The following NAF1 variants were observed in gnomAD, a reference collection of about 807,000 sequenced individuals.
The protein encoded by NAF1 is nuclear assembly factor 1 ribonucleoprotein, also known as H/ACA ribonucleoprotein complex non-core subunit NAF1.
NAF1 carries 11 observed loss-of-function variants against 40.6 expected under a neutral mutation model. The observed-to-expected ratio is 0.27, with a 90% CI of 0.17 to 0.45. The LOEUF is 0.45. Ranked by LOEUF, NAF1 falls within the 20% of genes least tolerant of loss-of-function variation. The pLI is 1.00. For missense variants in NAF1, 607 were observed against 611.1 expected (o/e 0.99, Z 0.07); for synonymous variants, 260 against 228.5 (o/e 1.14, Z -1.24).
In NAF1 at chr4:163,133,142, G is replaced by T; in HGVS notation, c.1033+12C>A. 3 of 1,579,584 alleles carry T rather than the reference G, an allele frequency of 1.9e-6. No homozygotes were observed. The highest frequency in any genetic ancestry group is 2.6e-6 in the Non-Finnish European group (3 of 1,149,214). ...AAGATAAAGAACGAGTATATATATT[G>T]TATTCACTCACCAGGCTCATTAAAT... On this transcript the variant is annotated intron_variant, in intron 7 of 7. Transcript: ENST00000274054.
intron 6 of NAF1, among the ~76,000 whole-genome samples, chr4:163,133,833 A>G (rs977679857): frequency 6.6e-6 from 1 of 152,144 alleles, no homozygotes; most frequent in African/African-American, 2.4e-5. Flanking sequence ...GTGTGTGTGC[A>G]GTGGTGCAAT....
chr4:163,157,983 G>A (rs1023958569), intron 2 of NAF1, among the ~76,000 whole-genome samples: 9 of 152,106 alleles, frequency 5.9e-5, no homozygotes, highest in African/African-American at 1.7e-4. Flanking sequence ...AAGAGTATCA[G>A]TAAATTGATG....
At chr4:163,113,202 T>C (rs1209788603) in intron 2 of NAF1, among the ~76,000 whole-genome samples, 2 of 152,164 alleles carry the variant, frequency 1.3e-5, no homozygotes, top group African/African-American at 4.8e-5. Context: ...AGTTCCAGAA[T>C]ATAAGTGTAC....
intron 2 of NAF1, chr4:163,119,329 T>G (rs755984773): frequency 6.6e-6 from 1 of 152,226 alleles, no homozygotes; most frequent in Non-Finnish European, 1.5e-5. Flanking sequence ...GCCCCTTCTT[T>G]TAATGTAAGA....
In NAF1 at chr4:163,166,574, C is replaced by A. The variant is rs2111082232; in HGVS notation, c.154G>T (p.Asp52Tyr). 6.2e-7 allele frequency: 1 copy of A among 1,609,402 alleles called. No individual in the cohort carries two copies. Among genetic ancestry groups the A allele is most frequent in the South Asian group, 1.1e-5 (1 of 90,516 alleles). ...PPLQSFEGSP[D>Y]AGQTVEVKPA... ...TTAACCTCCACGGTCTGCCCAGCGT[C>A]CGGGGACCCCTCAAACGACTGTAGC... Residue 52 changes from aspartate to tyrosine, a missense_variant, in exon 1 of 8, where the codon GAC becomes TAC. By Grantham distance (160) the Asp-to-Tyr change is radical (BLOSUM62 -3). Transcript: ENST00000274054.
chr4:163,161,492 C>A (rs1270642317), intron 2 of NAF1, among the ~76,000 whole-genome samples: 2 of 150,970 alleles, frequency 1.3e-5, no homozygotes, highest in South Asian at 2.1e-4. Context: ...AAAAAAAAAA[C>A]CAAAAAACAA....
intron 2 of NAF1, among the ~76,000 whole-genome samples, chr4:163,161,636 G>A (rs186777371): frequency 3.3e-5 from 5 of 150,964 alleles, no homozygotes; most frequent in Non-Finnish European, 5.9e-5. Flanking sequence ...AGCTGCTTTC[G>A]AATAAACTTC....
chr4:163,158,249 C>T (rs1394261139), intron 2 of NAF1: 1 of 152,060 alleles, frequency 6.6e-6, no homozygotes, highest in African/African-American at 2.4e-5. Flanking sequence ...TGAGCCTTCA[C>T]TTTTCAGATA....
At chr4:163,137,310 T>C in intron 5 of NAF1, 60 bp from the exon 6 acceptor site, 2 of 1,539,672 alleles carry the variant, frequency 1.3e-6, no homozygotes, top group South Asian at 1.2e-5. Context: ...TAAGTGCTCA[T>C]AACTTAAAAG....
intron 2 of NAF1, among the ~76,000 whole-genome samples, chr4:163,153,046 G>A (rs1045254930): frequency 3.9e-5 from 6 of 152,222 alleles, no homozygotes; most frequent in Non-Finnish European, 8.8e-5. Flanking sequence ...CAGCAGCACT[G>A]CGCTCGATTT....
At chr4:163,141,210 C>G (rs1731248631) in intron 4 of NAF1, among the ~76,000 whole-genome samples, 1 of 152,028 alleles carries the variant, frequency 6.6e-6, no homozygotes, top group Non-Finnish European at 1.5e-5. Flanking sequence ...ACTAAAAATA[C>G]AAAAATTAGC....
At chr4:163,117,956 CTA>C (rs1304113187) in intron 2 of NAF1, among the ~76,000 whole-genome samples, 1 of 151,994 alleles carries the variant, frequency 6.6e-6, no homozygotes, top group African/African-American at 2.4e-5. Flanking sequence ...TTCTAAAATG[CTA>C]TGATTTCCAA....
chr4:163,157,474 T>A (rs984131519), intron 2 of NAF1: 2 of 152,024 alleles, frequency 1.3e-5, no homozygotes, highest in African/African-American at 4.8e-5. Context: ...GTAAGGAAAC[T>A]GAGCACAAGT....
chr4:163,150,918 T>G (rs1354171352), intron 2 of NAF1, among the ~76,000 whole-genome samples: 1 of 152,140 alleles, frequency 6.6e-6, no homozygotes, highest in Non-Finnish European at 1.5e-5. Flanking sequence ...TTGCCATTAC[T>G]GATAAGTAAA....
intron 4 of NAF1, among the ~76,000 whole-genome samples, chr4:163,143,005 A>G (rs1487761134): frequency 6.6e-6 from 1 of 152,230 alleles, no homozygotes; most frequent in Non-Finnish European, 1.5e-5. Flanking sequence ...GATTGTAAGG[A>G]GAGTATAAGA....
chr4:163,135,972 T>A (rs1429579516), intron 6 of NAF1: 3 of 152,154 alleles, frequency 2.0e-5, no homozygotes, highest in African/African-American at 7.2e-5. Context: ...CATAAATACA[T>A]AACATTAATT....
At chr4:163,110,358 C>A (rs1157985729) in intron 2 of NAF1, 8 of 681,204 alleles carry the variant, frequency 1.2e-5, no homozygotes, top group African/African-American at 1.8e-5. Flanking sequence ...ACTGTTACTA[C>A]AAAATATTGT....
intron 2 of NAF1, among the ~76,000 whole-genome samples, chr4:163,153,147 G>A (rs1395057309): frequency 6.6e-6 from 1 of 152,210 alleles, no homozygotes; most frequent in East Asian, 1.9e-4. Flanking sequence ...GTGGGTTCCT[G>A]TGCAGCCCGA....
intron 2 of NAF1, among the ~76,000 whole-genome samples, chr4:163,149,967 GT>G (rs1000572245): frequency 1.1e-4 from 17 of 152,060 alleles, no homozygotes; most frequent in African/African-American, 3.6e-4. Flanking sequence ...GGCTCCTCTT[GT>G]TAAGTGGCAA....
Sources: gnomAD v4.1 joint callset for allele counts (sites outside exome capture counted in the v4.1 genomes callset) on GRCh38, gnomAD v4.1.1 for gene constraint, MANE v1.5 for transcripts, NCBI Gene and HGNC (gene_info 2026-07-23, HGNC 2026-07-21) for gene names.